Variants in BRINP3 observed in about 807,000 individuals in gnomAD.
BRINP3 encodes BMP/retinoic acid inducible neural specific 3, also known as BMP/retinoic acid-inducible neural-specific protein 3.
A neutral mutation model predicts 71.0 loss-of-function variants in BRINP3; 19 were observed. That is an observed-to-expected ratio of 0.27 (90% CI 0.19 to 0.39). The LOEUF is 0.39. BRINP3 is among the 10% of genes least tolerant of loss of function. The probability of loss-of-function intolerance (pLI) is 1.00; values close to 1 mark genes in which losing one functional copy is unlikely to be tolerated. For missense variants in BRINP3, 959 were observed against 940.8 expected, an observed-to-expected ratio of 1.02 and a Z score of -0.25; for synonymous variants, 380 against 337.7, an observed-to-expected ratio of 1.13 and a Z score of -1.37.
At chr1:190,139,442 ACT>A in intron 7 of BRINP3, among the ~76,000 whole-genome samples, 1 of 130,116 alleles carries the variant, frequency 7.7e-6, no homozygotes, top group Non-Finnish European at 1.6e-5. Context: ...ATAGAGTGAG[ACT>A]CTGTCTCAAA....
intron 6 of BRINP3, among the ~76,000 whole-genome samples, chr1:190,209,308 T>C (rs1655785086): frequency 6.6e-6 from 1 of 152,150 alleles, no homozygotes; most frequent in African/African-American, 2.4e-5. Flanking sequence ...TAAGGTTGGC[T>C]GAGTGGCTCT....
chr1:190,188,762 CT>C (rs879853753), intron 6 of BRINP3, among the ~76,000 whole-genome samples: 161 of 145,684 alleles, frequency 1.1e-3, no homozygotes, highest in Middle Eastern at 3.6e-3. Flanking sequence ...TTGCTGGTAT[CT>C]TTTTTTTTTT....
At chr1:190,154,529 T>A (rs1023797794) in intron 7 of BRINP3, among the ~76,000 whole-genome samples, 1 of 152,072 alleles carries the variant, frequency 6.6e-6, no homozygotes, top group Non-Finnish European at 1.5e-5. Flanking sequence ...CAATGGAGAG[T>A]AAACTACTGC....
intron 4 of BRINP3, among the ~76,000 whole-genome samples, chr1:190,236,965 GA>G (rs1286463581): frequency 2.0e-5 from 3 of 151,764 alleles, no homozygotes; most frequent in Non-Finnish European, 2.9e-5. Flanking sequence ...AGTGATCTTG[GA>G]AAAGGGAAGG....
At position 190,451,677 on chromosome 1, in the gene BRINP3, G is replaced by A. The variant is rs1675616241; in HGVS notation, c.236+2978C>T. On this transcript the variant is annotated intron_variant, in intron 2 of 7. Coordinates refer to ENST00000367462, the MANE Select transcript of BRINP3 (RefSeq NM_199051.3). ...TAATGTAGTTTCAAATACAAATTCT[G>A]TAAATAACTTTAAATATACACAAGT... 2.0e-5 allele frequency among the ~76,000 whole-genome samples: 3 copies of A among 151,690 alleles called. No individual in the cohort carries two copies. The South Asian group carries it at 6.2e-4, about 32-fold the overall frequency.
intron 7 of BRINP3, among the ~76,000 whole-genome samples, chr1:190,159,911 A>T (rs538713983): frequency 6.6e-6 from 1 of 152,094 alleles, no homozygotes; most frequent in Non-Finnish European, 1.5e-5. Context: ...CAGCAAAAGA[A>T]ATCTATAATC....
intron 2 of BRINP3, among the ~76,000 whole-genome samples, chr1:190,289,459 TA>T (rs1663687940): frequency 6.6e-6 from 1 of 151,962 alleles, no homozygotes; most frequent in Non-Finnish European, 1.5e-5. Context: ...CTGAATATGG[TA>T]CTTTGTGACA....
chr1:190,426,382 A>C (rs1275231935), intron 2 of BRINP3, among the ~76,000 whole-genome samples: 1 of 151,850 alleles, frequency 6.6e-6, no homozygotes, highest in Non-Finnish European at 1.5e-5. Flanking sequence ...AGACAGGTTG[A>C]GGGTTTCTTA....
chr1:190,392,996 A>G (rs1171037477), intron 2 of BRINP3, among the ~76,000 whole-genome samples: 1 of 151,640 alleles, frequency 6.6e-6, no homozygotes, highest in East Asian at 1.9e-4. Flanking sequence ...GTCTGAATAA[A>G]AAGCTGTGAA....
At chr1:190,265,143 A>G (rs567331986) in intron 3 of BRINP3, 88 bp from the exon 4 acceptor site, 1 of 1,193,622 alleles carries the variant, frequency 8.4e-7, no homozygotes, top group Non-Finnish European at 1.2e-6. Context: ...CTAGCTTATG[A>G]ATATAGTAAA....
At chr1:190,205,344 A>G (rs1655404329) in intron 6 of BRINP3, among the ~76,000 whole-genome samples, 1 of 151,984 alleles carries the variant, frequency 6.6e-6, no homozygotes, top group African/African-American at 2.4e-5. Flanking sequence ...TGCCATGTTC[A>G]AATGAGAGTT....
intron 2 of BRINP3, among the ~76,000 whole-genome samples, chr1:190,311,032 A>AAAC (rs1272454279): frequency 1.3e-5 from 2 of 151,672 alleles, no homozygotes; most frequent in African/African-American, 4.8e-5. Flanking sequence ...GCCAGGTTTG[A>AAAC]AACCCTGATA....
intron 6 of BRINP3, among the ~76,000 whole-genome samples, chr1:190,212,312 C>T (rs190604039): frequency 1.3e-5 from 2 of 152,178 alleles, no homozygotes; most frequent in East Asian, 3.9e-4. Context: ...GATTAAATGA[C>T]TTTCTAATGA....
intron 6 of BRINP3, among the ~76,000 whole-genome samples, chr1:190,220,965 C>T (rs547843642): frequency 1.7e-4 from 26 of 152,206 alleles, no homozygotes; most frequent in Admixed American, 6.6e-4. Flanking sequence ...ACAGTAATAG[C>T]TATAGCAACT....
At chr1:190,159,499 T>G (rs1178888324) in intron 7 of BRINP3, among the ~76,000 whole-genome samples, 1 of 152,058 alleles carries the variant, frequency 6.6e-6, no homozygotes, top group Non-Finnish European at 1.5e-5. Flanking sequence ...ATAAACAATA[T>G]GTGGTATACC....
intron 3 of BRINP3, among the ~76,000 whole-genome samples, chr1:190,277,087 T>TTATATATATATATATA (rs1222129309): frequency 0.033 from 1,174 of 35,892 alleles, 81 homozygotes; most frequent in Middle Eastern, 0.045. Flanking sequence ...AATTTTGGTT[T>TTATATATATATATATA]TATATATATA....
intron 2 of BRINP3, among the ~76,000 whole-genome samples, chr1:190,317,890 T>C (rs1665990592): frequency 6.6e-6 from 1 of 152,132 alleles, no homozygotes; most frequent in Non-Finnish European, 1.5e-5. Context: ...CTAGGTTACT[T>C]GTGTAAAAAA....
intron 1 of BRINP3, among the ~76,000 whole-genome samples, chr1:190,466,354 T>A (rs183547164): frequency 1.6e-4 from 25 of 151,860 alleles, no homozygotes; most frequent in African/African-American, 4.1e-4. Flanking sequence ...TAACCAGGCA[T>A]ACAAGGTGAA....
intron 4 of BRINP3, among the ~76,000 whole-genome samples, chr1:190,251,072 C>T (rs10920669): frequency 0.39 from 59,052 of 150,436 alleles, 12,610 homozygotes; most frequent in Non-Finnish European, 0.48. Context: ...ATAACAACAA[C>T]AATAATAATA....
Sources: gnomAD v4.1 joint callset for allele counts (sites outside exome capture counted in the v4.1 genomes callset) on GRCh38, gnomAD v4.1.1 for gene constraint, MANE v1.5 for transcripts, NCBI Gene and HGNC (gene_info 2026-07-23, HGNC 2026-07-21) for gene names.